The following EFHC2 variants were observed in gnomAD, a reference collection of about 807,000 sequenced individuals.
The protein encoded by EFHC2 is EF-hand domain containing 2, also known as EF-hand domain-containing family member C2.
In EFHC2, 18 loss-of-function variants were observed where a neutral mutation model predicts 52.7. The ratio of observed to expected loss-of-function variants is 0.34; its 90% CI spans 0.24 to 0.51. The LOEUF is 0.51. Ranked by LOEUF, EFHC2 falls within the 20% of genes least tolerant of loss-of-function variation. EFHC2 has a pLI of 0.97. For synonymous variants in EFHC2, 203 were observed against 204.1 expected (o/e 0.99, Z 0.04); for missense variants, 513 against 562.5 (o/e 0.91, Z 0.89).
At chrX:44,271,945 T>C (rs1258302248) in intron 3 of EFHC2, among the ~76,000 whole-genome samples, 1 of 112,279 alleles carries the variant, frequency 8.9e-6, no homozygotes. Context: ...TATTCTGTCT[T>C]GCACATGACA....
chrX:44,315,638 G>C (rs1291329788), intron 1 of EFHC2, among the ~76,000 whole-genome samples: 3 of 110,608 alleles, frequency 2.7e-5, no homozygotes, highest in African/African-American at 9.9e-5. Flanking sequence ...CTAAGTGTAT[G>C]GCTGACTAGA....
intron 1 of EFHC2, among the ~76,000 whole-genome samples, chrX:44,341,493 G>A (rs138665049): frequency 0.01 from 1,175 of 112,365 alleles, 16 homozygotes; most frequent in African/African-American, 0.036. Context: ...CTGTTGCCCA[G>A]GCTGGAGTGC....
At chrX:44,332,118 G>A (rs2038090665) in intron 1 of EFHC2, among the ~76,000 whole-genome samples, 1 of 110,103 alleles carries the variant, frequency 9.1e-6, no homozygotes, top group African/African-American at 3.3e-5. Context: ...CTCTACTCAC[G>A]TGCCTTTTAT....
chrX:44,169,933 C>T (rs2036730736), intron 13 of EFHC2, among the ~76,000 whole-genome samples: 1 of 111,955 alleles, frequency 8.9e-6, no homozygotes. Flanking sequence ...GTGCAGTGCA[C>T]TCAATATGTA....
chrX:44,277,796 A>G (rs1182431743), intron 2 of EFHC2, among the ~76,000 whole-genome samples: 1 of 111,101 alleles, frequency 9.0e-6, no homozygotes, highest in Non-Finnish European at 1.9e-5. Context: ...TAATGTACCT[A>G]TAAACGAAAA....
At chrX:44,160,151 C>T (rs56886260) in intron 14 of EFHC2, among the ~76,000 whole-genome samples, 2,867 of 111,725 alleles carry the variant, frequency 0.026, 99 homozygotes, top group African/African-American at 0.088. Flanking sequence ...AGCTCGATAC[C>T]TGTCCCAGTT....
chrX:44,281,124 T>C (rs1454004830), intron 2 of EFHC2, among the ~76,000 whole-genome samples: 1 of 111,471 alleles, frequency 9.0e-6, no homozygotes, highest in African/African-American at 3.3e-5. Flanking sequence ...TTCACCATGT[T>C]GGCCAGGCTG....
chrX:44,309,728 G>T, intron 2 of EFHC2: 1 of 978,884 alleles, frequency 1.0e-6, no homozygotes, highest in Non-Finnish European at 1.5e-6. Flanking sequence ...CCAGGCATCG[G>T]TCCTCGTTTC....
intron 11 of EFHC2, chrX:44,225,765 G>A (rs1013184014): frequency 9.8e-5 from 11 of 112,059 alleles, no homozygotes; most frequent in African/African-American, 3.2e-4. Flanking sequence ...ATACAGGTAG[G>A]TGAAGTGAGT....
chrX:44,148,141 A>C lies in EFHC2; in HGVS notation c.*654T>G, dbSNP rs1315564949. 1 of 111,102 alleles carries C rather than the reference A, an allele frequency of 9.0e-6. No individual in the cohort carries two copies. The highest frequency in any genetic ancestry group is 9.7e-5 in the Admixed American group (1 of 10,333). The allele number at this position is 111,102 out of a possible 1,213,427, so 9.2% of individuals were successfully genotyped here. On this transcript the variant is annotated 3_prime_UTR_variant, in exon 15 of 15. Coordinates refer to ENST00000420999, the MANE Select transcript of EFHC2 (RefSeq NM_025184.4). ...AAACTATAATTATACACACATGCAT[A>C]TATTCCTAAGCTAACAAGCTGACTT...
chrX:44,200,469 A>G (rs2036998380), intron 11 of EFHC2, among the ~76,000 whole-genome samples: 1 of 111,796 alleles, frequency 8.9e-6, no homozygotes, highest in African/African-American at 3.2e-5. Flanking sequence ...GCTACGGAAA[A>G]GGATGGAAAC....
At chrX:44,160,302 A>C (rs2036641689) in intron 14 of EFHC2, among the ~76,000 whole-genome samples, 1 of 111,247 alleles carries the variant, frequency 9.0e-6, no homozygotes, top group South Asian at 3.9e-4. Flanking sequence ...GTCACGAACA[A>C]CATTCAAAAG....
intron 14 of EFHC2, among the ~76,000 whole-genome samples, chrX:44,149,937 TTGTG>T (rs774685065): frequency 1.8e-5 from 2 of 111,397 alleles, no homozygotes; most frequent in Non-Finnish European, 3.8e-5. Context: ...GCCACTTTAT[TTGTG>T]TGTGTGTGTG....
chrX:44,302,070 T>C (rs2037872824), intron 2 of EFHC2, among the ~76,000 whole-genome samples: 1 of 111,504 alleles, frequency 9.0e-6, no homozygotes, highest in Non-Finnish European at 1.9e-5. Context: ...CAAGTATATG[T>C]TTAACTAAGA....
intron 11 of EFHC2, among the ~76,000 whole-genome samples, chrX:44,197,961 T>C (rs1423805864): frequency 8.9e-6 from 1 of 112,318 alleles, no homozygotes; most frequent in Non-Finnish European, 1.9e-5. Context: ...GAAGAAATCA[T>C]GGGTGGCACT....
At chrX:44,185,390 T>G (rs1164131239) in intron 11 of EFHC2, among the ~76,000 whole-genome samples, 1 of 111,820 alleles carries the variant, frequency 8.9e-6, no homozygotes, top group Admixed American at 9.5e-5. Flanking sequence ...GATGCCCTCT[T>G]TCACTCTCTA....
intron 14 of EFHC2, among the ~76,000 whole-genome samples, chrX:44,149,419 T>C (rs2036551805): frequency 8.9e-6 from 1 of 112,602 alleles, no homozygotes; most frequent in Non-Finnish European, 1.9e-5. Flanking sequence ...AAGAAATGTG[T>C]CTTGTTGTGA....
chrX:44,250,485 GCATAATCACTTCTAAGATATA>G, intron 4 of EFHC2, 40 bp from the exon 5 acceptor site: 1 of 1,156,570 alleles, frequency 8.6e-7, no homozygotes, highest in Non-Finnish European at 1.2e-6. Context: ...TGCAGGGTTT[GCATAATCACTTCTAAGATATA>G]CACAATCAAG....
Position 44,178,358 on chromosome X carries a change from A to G in EFHC2, c.1949+9T>C. The G allele has an allele frequency of 8.6e-7, 1 of 1,160,048 alleles. No homozygotes were observed. Among genetic ancestry groups the G allele is most frequent in the Non-Finnish European group, 1.2e-6 (1 of 863,654 alleles). On this transcript the variant is annotated intron_variant, in intron 12 of 14. Coordinates refer to ENST00000420999, the MANE Select transcript of EFHC2 (RefSeq NM_025184.4). ...GTAAATGATTAGAATCAATAAAACA[A>G]AAGCTTACTTTTCTCGATCTTCATA...
Sources: gnomAD v4.1 joint callset for allele counts (sites outside exome capture counted in the v4.1 genomes callset) on GRCh38, gnomAD v4.1.1 for gene constraint, MANE v1.5 for transcripts, NCBI Gene and HGNC (gene_info 2026-07-23, HGNC 2026-07-21) for gene names.